RLF: variants seen among roughly 807,000 people sequenced by gnomAD.
RLF encodes the protein zinc finger protein Rlf.
A neutral mutation model predicts 162.9 loss-of-function variants in RLF; 7 were observed. The ratio of observed to expected loss-of-function variants is 0.04; its 90% CI spans 0.02 to 0.08. RLF has a LOEUF of 0.08. Among genes scored for constraint, RLF ranks in the 10% least tolerant of loss-of-function variants. The pLI is 1.00. For synonymous variants in RLF, 782 were observed against 791.5 expected (o/e 0.99, Z 0.20); for missense variants, 1,664 against 2,244.7 (o/e 0.74, Z 5.23).
intron 7 of RLF, among the ~76,000 whole-genome samples, chr1:40,235,053 G>T (rs965414291): frequency 1.5e-5 from 2 of 132,570 alleles, no homozygotes; most frequent in Non-Finnish European, 1.6e-5. Flanking sequence ...ATGATAGAGA[G>T]AATTTTTTTT....
At position 40,239,051 on chromosome 1, in the gene RLF, G is replaced by A. The variant is rs766490806; in HGVS notation, c.4349G>A (p.Gly1450Asp). The A allele has an allele frequency of 5.0e-6, 8 of 1,614,036 alleles. No homozygotes were observed. The African/African-American group carries it at 1.1e-4, about 22-fold the overall frequency. Residue 1450 changes from glycine to aspartate, a missense_variant, in exon 8 of 8, where the codon GGC becomes GAC. Around this residue, in one of 15 missense-constraint regions of RLF, gnomAD observed 200 missense variants for 207.3 expected, o/e 0.96. Transcript: ENST00000372771. ...SDYEIHCDLN[G>D]CGQIFTHRSN... ...TATGAAATTCATTGTGATCTTAATG[G>A]CTGTGGCCAGATTTTCACCCATCGC...
rs543873565 is a variant in RLF, at chr1:40,179,856, T to G, written c.238-9199T>G. Among the ~76,000 whole-genome samples the G allele has an allele frequency of 2.6e-4, 40 of 152,354 alleles. No individual in the cohort carries two copies. In the South Asian group the frequency reaches 7.0e-3, roughly 27 times the overall value. On this transcript the variant is annotated intron_variant, in intron 1 of 7. Coordinates refer to ENST00000372771, the MANE Select transcript of RLF (RefSeq NM_012421.4). The stretch of plus-strand genomic sequence containing the variant: ...TAAGTGAAATTGTACAGTATTTGTC[T>G]TGTTGTGACTGCCATATTTCACTTA...
At position 40,238,920 on chromosome 1, in the gene RLF, G is replaced by A. The variant is rs1418948244; in HGVS notation, c.4218G>A (p.Arg1406=). The A allele has an allele frequency of 3.1e-6, 5 of 1,614,196 alleles. No homozygotes were observed. The Admixed American group carries it at 8.3e-5, about 27-fold the overall frequency. ...TTTCCGAAGCTGGATCTGCAGCAAG[G>A]TTTTCTTGTAACCAGCCTCAGTGCC... is the stretch of plus-strand genomic sequence containing the variant. The part of the protein sequence containing the change: ...KVLSEAGSAA[R]FSCNQPQCPA... The change falls in exon 8 of 8, where the codon AGG becomes AGA. Residue 1406 remains arginine (R), a synonymous_variant. Transcript: ENST00000372771. The surrounding 1 kb of genome is among the most constrained non-coding windows in gnomAD (Gnocchi z 5.2).
chr1:40,205,486 T>C (rs372235055), intron 5 of RLF, among the ~76,000 whole-genome samples: 36 of 66,742 alleles, frequency 5.4e-4, no homozygotes, highest in Middle Eastern at 6.8e-3. Context: ...TCCTTCCTTC[T>C]TTTTTTTTTT....
intron 6 of RLF, among the ~76,000 whole-genome samples, chr1:40,227,725 C>G (rs533943975): frequency 1.3e-5 from 2 of 152,220 alleles, no homozygotes; most frequent in African/African-American, 4.8e-5. Context: ...ATTTGAGTGG[C>G]CAGGCATGGT....
At chr1:40,232,555 T>G (rs1643165772) in intron 7 of RLF, among the ~76,000 whole-genome samples, 1 of 152,204 alleles carries the variant, frequency 6.6e-6, no homozygotes, top group Non-Finnish European at 1.5e-5. Context: ...TTCCTGTGGT[T>G]GTAGGACTAA....
intron 3 of RLF, among the ~76,000 whole-genome samples, chr1:40,193,482 T>A (rs908497024): frequency 6.6e-6 from 1 of 152,146 alleles, no homozygotes; most frequent in Non-Finnish European, 1.5e-5. Context: ...TCTGCTAAAG[T>A]GTAATGGTAC....
chr1:40,195,566 G>A (rs2124538527), intron 3 of RLF, 66 bp from the exon 4 acceptor site: 1 of 1,389,888 alleles, frequency 7.2e-7, no homozygotes, highest in Non-Finnish European at 9.8e-7. Flanking sequence ...TATCAGATAT[G>A]TTGAAAAGGC....
At chr1:40,190,886 T>C (rs1363641776) in intron 3 of RLF, 33 bp downstream of exon 3, 1 of 1,357,388 alleles carries the variant, frequency 7.4e-7, no homozygotes, top group Non-Finnish European at 1.0e-6. Context: ...AAGTTTTCTG[T>C]ATCCAAGACA....
rs772598854 is a variant in RLF at position 40,239,476 on chromosome 1, G to A, written c.4774G>A (p.Val1592Ile). ...ACAGATGGAGAATCTTGTTGTTTGC[G>A]TTAAGTACGGTACCAAAATTAAGGA... Reference protein sequence around the residue: ...EQQMENLVVCVKYGTKIKEEP... With the variant: ...EQQMENLVVCIKYGTKIKEEP... The change falls in exon 8 of 8, where the codon GTT becomes ATT. Residue 1592 changes from valine to isoleucine, a missense_variant. Val to Ile is a conservative substitution (Grantham distance 29, BLOSUM62 3). Coordinates refer to ENST00000372771, the MANE Select transcript of RLF (RefSeq NM_012421.4). The A allele has an allele frequency of 7.4e-6, 12 of 1,613,850 alleles. No homozygotes were observed. The highest frequency in any genetic ancestry group is 5.3e-5 in the African/African-American group (4 of 74,898).
At chr1:40,233,557 G>GA (rs1301891808) in intron 7 of RLF, among the ~76,000 whole-genome samples, 1 of 152,152 alleles carries the variant, frequency 6.6e-6, no homozygotes, top group Admixed American at 6.5e-5. Context: ...AGAGACCCAT[G>GA]GTCTAGTCCT....
chr1:40,211,134 C>G (rs1642859709), intron 5 of RLF, among the ~76,000 whole-genome samples: 2 of 152,306 alleles, frequency 1.3e-5, no homozygotes, highest in South Asian at 4.1e-4. Flanking sequence ...GCCAGAAAAG[C>G]TAAAAATATT....
rs1643277493 is a variant in RLF at position 40,240,330 on chromosome 1, A to G, written c.5628A>G (p.Leu1876=). ...KALTDCGELA[L]KQLHYLRPVV... ...TAACAGACTGTGGAGAGCTTGCCTTAAAACAGCTTCATTATCTTCGGCCAG... is the reference window on the plus strand; with the variant it reads ...TAACAGACTGTGGAGAGCTTGCCTTGAAACAGCTTCATTATCTTCGGCCAG... Residue 1876 remains leucine, a synonymous_variant, in exon 8 of 8, where the codon TTA becomes TTG. Transcript: ENST00000372771. The G allele has an allele frequency of 9.3e-6, 15 of 1,614,116 alleles. No homozygotes were observed. Among genetic ancestry groups the G allele is most frequent in the Non-Finnish European group, 1.3e-5 (15 of 1,180,040 alleles).
intron 4 of RLF, among the ~76,000 whole-genome samples, chr1:40,196,671 T>C (rs1306911744): frequency 6.6e-6 from 1 of 152,098 alleles, no homozygotes; most frequent in African/African-American, 2.4e-5. Context: ...AGTTAATTTT[T>C]CTATTTTTTG....
At position 40,225,770 on chromosome 1, in the gene RLF, G is replaced by A. The variant is rs192870333; in HGVS notation, c.947+3060G>A. On this transcript the variant is annotated intron_variant, in intron 6 of 7. Coordinates refer to ENST00000372771, the MANE Select transcript of RLF (RefSeq NM_012421.4). ...GGCGTGCCTGTAGTCCCAGCTACTC[G>A]TAAGGCTGAGGCAGGAGAATAGTGT... is the stretch of plus-strand genomic sequence containing the variant. 1.2e-4 allele frequency among the ~76,000 whole-genome samples: 18 copies of A among 149,004 alleles called. No homozygotes were observed. The South Asian group carries it at 2.6e-3, about 21-fold the overall frequency.
At position 40,239,983 on chromosome 1, in the gene RLF, T is replaced by C. The variant is rs1330007219; in HGVS notation, c.5281T>C (p.Leu1761=). The C allele has an allele frequency of 2.5e-6, 4 of 1,613,772 alleles. No homozygotes were observed. Among genetic ancestry groups the C allele is most frequent in the Non-Finnish European group, 3.4e-6 (4 of 1,180,022 alleles). ...RKHSQPRSFD[L]KTYKPMGFES... Reference sequence around the variant, plus strand: ...ACATTCACAGCCCCGGTCATTTGATTTGAAGACTTACAAACCTATGGGATT... The same window carrying C: ...ACATTCACAGCCCCGGTCATTTGATCTGAAGACTTACAAACCTATGGGATT... The change falls in exon 8 of 8, where the codon TTG becomes CTG. Residue 1761 remains leucine (L), a synonymous_variant. Transcript: ENST00000372771.
intron 4 of RLF, among the ~76,000 whole-genome samples, chr1:40,201,832 A>G (rs1642723486): frequency 6.6e-6 from 1 of 152,108 alleles, no homozygotes; most frequent in Non-Finnish European, 1.5e-5. Context: ...TGGTCAAATC[A>G]GTTTAGGAAA....
chr1:40,214,918 CAAAAAAAAAA>C (rs34756935), intron 5 of RLF, among the ~76,000 whole-genome samples: 926 of 14,392 alleles, frequency 0.064, 9 homozygotes, highest in Admixed American at 0.11. Context: ...GAGCCTGTCT[CAAAAAAAAAA>C]AAAAAAAAAA....
intron 4 of RLF, among the ~76,000 whole-genome samples, chr1:40,198,107 G>A (rs913723722): frequency 8.7e-5 from 13 of 149,908 alleles, no homozygotes; most frequent in Non-Finnish European, 1.6e-4. Flanking sequence ...GGGTTTAAGC[G>A]ATTCTCCTGC....
Sources: gnomAD v4.1 joint callset for allele counts (sites outside exome capture counted in the v4.1 genomes callset) on GRCh38, gnomAD v4.1.1 for gene constraint, gnomAD v4.1.1 regional missense constraint, Gnocchi (gnomAD v3.1) non-coding constraint, MANE v1.5 for transcripts, NCBI Gene and HGNC (gene_info 2026-07-23, HGNC 2026-07-21) for gene names.